Variants in TRDN observed in about 807,000 individuals in gnomAD.
The protein encoded by TRDN is triadin in skeletal muscle.
In TRDN, 161 loss-of-function variants were observed where a neutral mutation model predicts 149.7. The ratio of observed to expected loss-of-function variants is 1.08; its 90% CI spans 0.95 to 1.23. The LOEUF is 1.23. TRDN is among the 50% of genes most tolerant of loss of function. The pLI is 0.00. For missense variants in TRDN, 896 were observed against 823.5 expected, an observed-to-expected ratio of 1.09 and a Z score of -1.08; for synonymous variants, 294 against 250.5, an observed-to-expected ratio of 1.17 and a Z score of -1.64.
intron 9 of TRDN, among the ~76,000 whole-genome samples, chr6:123,478,313 T>C (rs909438506): frequency 6.6e-6 from 1 of 152,192 alleles, no homozygotes; most frequent in African/African-American, 2.4e-5. Flanking sequence ...TGAATGGACT[T>C]GATATATCCC....
chr6:123,494,383 C>T (rs117084914), intron 9 of TRDN, among the ~76,000 whole-genome samples: 37 of 152,172 alleles, frequency 2.4e-4, no homozygotes, highest in Non-Finnish European at 4.4e-4. Flanking sequence ...ATTGGTATTG[C>T]GACTATTAAA....
rs77281336 is a variant in TRDN, at chr6:123,484,146, GA to G, written c.853+13046del. 2.7e-3 allele frequency among the ~76,000 whole-genome samples: 398 copies of G among 149,600 alleles called. 3 individuals carry two copies. The highest frequency in any genetic ancestry group is 8.8e-3 in the African/African-American group (359 of 40,788). ...TGCAAATACAAAAGCATCCTCTGCAGAAAAAAAAAGCTATAGAAAAGAGATA... is the reference window on the plus strand; with the variant it reads ...TGCAAATACAAAAGCATCCTCTGCAGAAAAAAAAGCTATAGAAAAGAGATA... On this transcript the variant is annotated intron_variant, in intron 9 of 40. Coordinates refer to ENST00000334268, the MANE Select transcript of TRDN (RefSeq NM_006073.4).
chr6:123,389,804 T>C (rs948013564), intron 13 of TRDN, among the ~76,000 whole-genome samples: 8 of 152,272 alleles, frequency 5.3e-5, no homozygotes, highest in African/African-American at 7.2e-5. Context: ...ATATTTACAA[T>C]GTTTTTAAGT....
chr6:123,480,679 G>A (rs1172887024), intron 9 of TRDN, among the ~76,000 whole-genome samples: 1 of 151,978 alleles, frequency 6.6e-6, no homozygotes, highest in Non-Finnish European at 1.5e-5. Context: ...CCAGAAAGGA[G>A]AAGAAATAAG....
chr6:123,537,962 C>T (rs749197305), intron 4 of TRDN, among the ~76,000 whole-genome samples: 21 of 152,144 alleles, frequency 1.4e-4, no homozygotes, highest in Non-Finnish European at 2.8e-4. Context: ...TTAAAGCATG[C>T]AATTTTTCTC....
chr6:123,408,534 TG>T (rs2114505686), intron 12 of TRDN, among the ~76,000 whole-genome samples: 1 of 151,882 alleles, frequency 6.6e-6, no homozygotes, highest in South Asian at 2.1e-4. Context: ...AAAAATTAGC[TG>T]GGCAAGGTGG....
At chr6:123,515,769 A>T (rs1390184399) in intron 6 of TRDN, among the ~76,000 whole-genome samples, 3 of 152,132 alleles carry the variant, frequency 2.0e-5, no homozygotes, top group Non-Finnish European at 4.4e-5. Context: ...TAACAATTAG[A>T]AATTAAAGCA....
At chr6:123,392,022 AT>A (rs1772497803) in intron 13 of TRDN, among the ~76,000 whole-genome samples, 1 of 152,076 alleles carries the variant, frequency 6.6e-6, no homozygotes, top group African/African-American at 2.4e-5. Flanking sequence ...GTGTCCCTGC[AT>A]TGGTGTGTCA....
intron 5 of TRDN, among the ~76,000 whole-genome samples, chr6:123,525,952 A>G (rs1779926029): frequency 6.6e-6 from 1 of 152,014 alleles, no homozygotes; most frequent in Admixed American, 6.6e-5. Context: ...TTACATATAT[A>G]TATGGACTTT....
intron 38 of TRDN, among the ~76,000 whole-genome samples, chr6:123,248,896 C>T (rs1776279790): frequency 6.6e-6 from 1 of 152,104 alleles, no homozygotes; most frequent in African/African-American, 2.4e-5. Context: ...GATACCAAAA[C>T]CAGACAAGGA....
rs566039846 is a variant in TRDN at position 123,570,222 on chromosome 6, G to C, written c.232+701C>G. On this transcript the variant is annotated intron_variant, in intron 2 of 40. Coordinates refer to ENST00000334268, the MANE Select transcript of TRDN (RefSeq NM_006073.4). ...GAAATGTTTCGCTTATGGTAAAAAA[G>C]TGATAAGAATAAATTCACTCATCTA... Among the ~76,000 whole-genome samples the C allele has an allele frequency of 9.2e-5, 14 of 152,298 alleles. No individual in the cohort carries two copies. The East Asian group carries it at 2.3e-3, about 25-fold the overall frequency.
chr6:123,578,960 T>C (rs1181750749), intron 1 of TRDN, among the ~76,000 whole-genome samples: 3 of 152,128 alleles, frequency 2.0e-5, no homozygotes, highest in Non-Finnish European at 4.4e-5. Flanking sequence ...TTGGCTGTTG[T>C]TGGTGTATAG....
chr6:123,364,793 C>T (rs1264118119), intron 20 of TRDN, among the ~76,000 whole-genome samples: 2 of 152,132 alleles, frequency 1.3e-5, no homozygotes, highest in East Asian at 3.9e-4. Flanking sequence ...AGTGCCTTGG[C>T]CTTAAGTCCA....
intron 38 of TRDN, among the ~76,000 whole-genome samples, chr6:123,237,845 A>G (rs1437778448): frequency 6.6e-6 from 1 of 152,198 alleles, no homozygotes; most frequent in Non-Finnish European, 1.5e-5. Flanking sequence ...CTATAGTAAC[A>G]CTGCAGCAGA....
intron 40 of TRDN, among the ~76,000 whole-genome samples, chr6:123,219,785 T>C (rs985769979): frequency 6.6e-6 from 1 of 151,800 alleles, no homozygotes; most frequent in African/African-American, 2.4e-5. Context: ...CTTCCGTCTC[T>C]TCAAGTTTGT....
rs190457548 is a variant in TRDN, at chr6:123,578,502, C to T, written c.23-7370G>A. ...TTATTTTTGTGCCCTATATTCTGTT[C>T]CATTGGTCTATGTGACTGTTTTTGT... On this transcript the variant is annotated intron_variant, in intron 1 of 40. Transcript: ENST00000334268. 3.1e-3 allele frequency among the ~76,000 whole-genome samples: 476 copies of T among 152,168 alleles called. 1 individual carries two copies. The highest frequency in any genetic ancestry group is 0.011 in the African/African-American group (441 of 41,528).
intron 5 of TRDN, among the ~76,000 whole-genome samples, chr6:123,516,791 A>C (rs1779431136): frequency 6.6e-6 from 1 of 152,122 alleles, no homozygotes; most frequent in African/African-American, 2.4e-5. Flanking sequence ...TTAAGTCATA[A>C]TCTTACCCCA....
intron 2 of TRDN, among the ~76,000 whole-genome samples, chr6:123,559,122 A>G (rs893953246): frequency 9.9e-5 from 15 of 152,164 alleles, no homozygotes; most frequent in Non-Finnish European, 4.4e-5. Context: ...CTGCCCGATC[A>G]CCTCAAAAGG....
At chr6:123,406,592 T>C (rs1231637875) in intron 12 of TRDN, among the ~76,000 whole-genome samples, 2 of 151,964 alleles carry the variant, frequency 1.3e-5, no homozygotes, top group Admixed American at 6.6e-5. Context: ...TATGCATGTA[T>C]ATAAAATGAA....
Sources: allele counts gnomAD v4.1 joint callset (sites outside exome capture counted in the v4.1 genomes callset), GRCh38; gene constraint gnomAD v4.1.1; transcripts MANE v1.5; gene names NCBI Gene and HGNC (gene_info 2026-07-23, HGNC 2026-07-21).